The following FAM53B variants were observed in gnomAD, a reference collection of about 807,000 sequenced individuals.
The protein encoded by FAM53B is family with sequence similarity 53 member B.
In FAM53B, 12 loss-of-function variants were observed where a neutral mutation model predicts 32.7. The ratio of observed to expected loss-of-function variants is 0.37; its 90% CI spans 0.24 to 0.59. The LOEUF is 0.59. Ranked by LOEUF, FAM53B falls within the 20% of genes least tolerant of loss-of-function variation. FAM53B has a pLI of 0.72. For missense variants in FAM53B, 477 were observed against 577.7 expected, an observed-to-expected ratio of 0.83 and a Z score of 1.79; for synonymous variants, 234 against 228.7, an observed-to-expected ratio of 1.02 and a Z score of -0.21.
At chr10:124,713,064 A>G (rs1271567136) in intron 1 of FAM53B, among the ~76,000 whole-genome samples, 1 of 152,120 alleles carries the variant, frequency 6.6e-6, no homozygotes, top group African/African-American at 2.4e-5. Flanking sequence ...CCATGCCCAG[A>G]GCCCATCTCC....
In FAM53B at chr10:124,682,419, G is replaced by T; in HGVS notation, c.134-40C>A. ...ACAAGGAGAAAACAGGATTTGAGAAGACCTTCACTCCAGCCCTTTATTATC... is the reference window on the plus strand; with the variant it reads ...ACAAGGAGAAAACAGGATTTGAGAATACCTTCACTCCAGCCCTTTATTATC... On this transcript the variant is annotated intron_variant, in intron 3 of 4. Transcript: ENST00000337318. The surrounding 1 kb of genome is among the most constrained non-coding windows in gnomAD (Gnocchi z 5.2). 6.5e-7 allele frequency: 1 copy of T among 1,539,168 alleles called. No homozygotes were observed. Among genetic ancestry groups the T allele is most frequent in the Non-Finnish European group, 8.8e-7 (1 of 1,136,746 alleles).
At chr10:124,731,439 C>T (rs1950142114) in intron 1 of FAM53B, among the ~76,000 whole-genome samples, 1 of 152,172 alleles carries the variant, frequency 6.6e-6, no homozygotes, top group African/African-American at 2.4e-5. Context: ...CTGTGCCCTA[C>T]TCTTTCTTCT....
chr10:124,662,187 C>T (rs1949635555), intron 4 of FAM53B, among the ~76,000 whole-genome samples: 1 of 152,220 alleles, frequency 6.6e-6, no homozygotes, highest in Non-Finnish European at 1.5e-5. Flanking sequence ...GTGACCGTGG[C>T]CGCTACTCTG....
intron 2 of FAM53B, among the ~76,000 whole-genome samples, chr10:124,706,400 TC>T (rs946753747): frequency 2.6e-5 from 4 of 152,150 alleles, no homozygotes; most frequent in Non-Finnish European, 4.4e-5. Flanking sequence ...GGGGATGGCC[TC>T]CCCTCCTCAT....
In FAM53B at chr10:124,674,669, C is replaced by G. The variant is rs545121044; in HGVS notation, c.906+6938G>C. Among the ~76,000 whole-genome samples, 112 of 152,348 alleles carry G rather than the reference C, an allele frequency of 7.4e-4. 3 individuals carry two copies. The South Asian group carries it at 0.022, about 30-fold the overall frequency. On this transcript the variant is annotated intron_variant, in intron 4 of 4. Coordinates refer to ENST00000337318, the MANE Select transcript of FAM53B (RefSeq NM_014661.4). ...TGTGGGCCCTTGGAGTTGAACCAGT[C>G]AAAGGGGCAAGAGCCAGCTGACCCA...
At chr10:124,716,744 T>A (rs773551885) in intron 1 of FAM53B, among the ~76,000 whole-genome samples, 10 of 152,150 alleles carry the variant, frequency 6.6e-5, no homozygotes. Context: ...TGGAAGCTGC[T>A]TGACACACTC....
At chr10:124,638,601 G>A (rs1431049393) in intron 4 of FAM53B, among the ~76,000 whole-genome samples, 2 of 152,156 alleles carry the variant, frequency 1.3e-5, no homozygotes, top group Non-Finnish European at 2.9e-5. Flanking sequence ...CGTTGCCCAC[G>A]AGCAGCCCCA....
At chr10:124,657,994 G>A (rs1390169989) in intron 4 of FAM53B, among the ~76,000 whole-genome samples, 2 of 152,296 alleles carry the variant, frequency 1.3e-5, no homozygotes, top group East Asian at 1.9e-4. Context: ...CAGCTGTGAC[G>A]ATATGTAGGT....
intron 4 of FAM53B, among the ~76,000 whole-genome samples, chr10:124,667,668 G>A (rs777137000): frequency 3.3e-5 from 5 of 152,200 alleles, no homozygotes; most frequent in African/African-American, 1.2e-4. Flanking sequence ...AGCCCCGCCC[G>A]GGGTCACAGG....
intron 4 of FAM53B, 163 bp from the exon 5 acceptor site, chr10:124,623,767 T>G (rs188165699): frequency 3.8e-4 from 256 of 678,964 alleles, no homozygotes; most frequent in Non-Finnish European, 5.6e-4. Context: ...AACGTACTCA[T>G]GAAGATGCAC....
At chr10:124,717,562 C>T (rs1950044687) in intron 1 of FAM53B, among the ~76,000 whole-genome samples, 1 of 152,238 alleles carries the variant, frequency 6.6e-6, no homozygotes, top group Non-Finnish European at 1.5e-5. Context: ...TGGCTATGAC[C>T]TCCCATAAAG....
At chr10:124,655,350 C>T (rs2134053039) in intron 4 of FAM53B, among the ~76,000 whole-genome samples, 1 of 152,226 alleles carries the variant, frequency 6.6e-6, no homozygotes, top group Admixed American at 6.5e-5. Context: ...GACCTGCTGG[C>T]CTGGGGAGGG....
At chr10:124,702,228 C>T (rs1202365381) in intron 2 of FAM53B, among the ~76,000 whole-genome samples, 1 of 152,236 alleles carries the variant, frequency 6.6e-6, no homozygotes, top group Non-Finnish European at 1.5e-5. Flanking sequence ...AAATCTTAAA[C>T]CTCCACTTGT....
rs538956209 is a variant in FAM53B at position 124,628,830 on chromosome 10, C to T, written c.907-5226G>A. 4.6e-5 allele frequency among the ~76,000 whole-genome samples: 7 copies of T among 152,348 alleles called. No homozygotes were observed. The East Asian group carries it at 1.2e-3, about 25-fold the overall frequency. On this transcript the variant is annotated intron_variant, in intron 4 of 4. Coordinates refer to ENST00000337318, the MANE Select transcript of FAM53B (RefSeq NM_014661.4). ...TCCTCTTGGGCGGGATCAAGTCCCA[C>T]GTGCTAGTCACACTTCGCAGCTCCC...
chr10:124,696,018 G>C, intron 3 of FAM53B, 140 bp downstream of exon 3: 1 of 710,970 alleles, frequency 1.4e-6, no homozygotes, highest in Admixed American at 2.4e-5. Context: ...GACCAAAATA[G>C]TTAAAACACA....
At chr10:124,655,002 A>G (rs1374158431) in intron 4 of FAM53B, among the ~76,000 whole-genome samples, 2 of 152,210 alleles carry the variant, frequency 1.3e-5, no homozygotes, top group South Asian at 2.1e-4. Flanking sequence ...AAGCGTGCCC[A>G]GGTTACAGGA....
intron 1 of FAM53B, among the ~76,000 whole-genome samples, chr10:124,735,137 G>A (rs4962401): frequency 0.14 from 21,052 of 152,080 alleles, 1,681 homozygotes; most frequent in African/African-American, 0.2. Context: ...GTGAGAGGAA[G>A]AACAAAAAAC....
At chr10:124,669,765 A>T (rs967838408) in intron 4 of FAM53B, among the ~76,000 whole-genome samples, 4 of 152,202 alleles carry the variant, frequency 2.6e-5, no homozygotes, top group Middle Eastern at 6.8e-3. Flanking sequence ...GAGTGAGTGG[A>T]TCCCACTCAC....
intron 1 of FAM53B, among the ~76,000 whole-genome samples, chr10:124,737,038 C>G (rs1184315159): frequency 1.3e-5 from 2 of 152,230 alleles, no homozygotes; most frequent in African/African-American, 4.8e-5. Context: ...TTTCTGCAGG[C>G]AGCATGTCTT....
Sources: gnomAD v4.1 joint callset for allele counts (sites outside exome capture counted in the v4.1 genomes callset) on GRCh38, gnomAD v4.1.1 for gene constraint, Gnocchi (gnomAD v3.1) non-coding constraint, MANE v1.5 for transcripts, NCBI Gene and HGNC (gene_info 2026-07-23, HGNC 2026-07-21) for gene names.